The following ALK variants were observed in gnomAD, a reference collection of about 807,000 sequenced individuals.
ALK encodes ALK tyrosine kinase receptor.
In ALK, 74 loss-of-function variants were observed where a neutral mutation model predicts 163.1. The ratio of observed to expected loss-of-function variants is 0.45; its 90% CI spans 0.38 to 0.55. ALK has a LOEUF of 0.55. Ranked by LOEUF, ALK falls within the 20% of genes least tolerant of loss-of-function variation. The probability of loss-of-function intolerance (pLI) is 0.00; values close to 1 mark genes in which losing one functional copy is unlikely to be tolerated. For synonymous variants in ALK, 960 were observed against 843.2 expected (o/e 1.14, Z -2.40); for missense variants, 2,063 against 2,105.3 (o/e 0.98, Z 0.39).
chr2:29,284,317 G>A (rs780022942), intron 9 of ALK, among the ~76,000 whole-genome samples: 33 of 152,214 alleles, frequency 2.2e-4, no homozygotes, highest in East Asian at 7.7e-4. Flanking sequence ...GGTTCCTGGC[G>A]CGGGGGTGGG....
intron 1 of ALK, among the ~76,000 whole-genome samples, chr2:29,751,156 G>C (rs143932348): frequency 3.2e-3 from 481 of 152,252 alleles, no homozygotes; most frequent in African/African-American, 0.011. Context: ...CACCTGTATA[G>C]GGCATTTACC....
At chr2:29,698,904 A>T (rs1243751011) in intron 2 of ALK, among the ~76,000 whole-genome samples, 1 of 152,222 alleles carries the variant, frequency 6.6e-6, no homozygotes, top group Non-Finnish European at 1.5e-5. Context: ...GCTTTTCTAC[A>T]TTCTGATTTA....
chr2:29,524,927 T>A (rs6723241), intron 4 of ALK, among the ~76,000 whole-genome samples: 1 of 151,860 alleles, frequency 6.6e-6, no homozygotes, highest in African/African-American at 2.4e-5. Context: ...AGATGGGATG[T>A]ATGGATGGAT....
chr2:29,440,067 A>C (rs1290307143), intron 4 of ALK, among the ~76,000 whole-genome samples: 1 of 151,812 alleles, frequency 6.6e-6, no homozygotes, highest in African/African-American at 2.4e-5. Context: ...CCCCGTCTCT[A>C]CTAAAGAAAA....
chr2:29,318,569 CT>C lies in ALK; in HGVS notation c.1547-166del, dbSNP rs71403658. On this transcript the variant is annotated intron_variant, in intron 7 of 28. Coordinates refer to ENST00000389048, the MANE Select transcript of ALK (RefSeq NM_004304.5). ...AAGAAAGCCCACCTGTCAACAATTTCTTTTTTTTTTTTTTTGAGACAGAGTC... is the reference window on the plus strand; with the variant it reads ...AAGAAAGCCCACCTGTCAACAATTTCTTTTTTTTTTTTTTGAGACAGAGTC... Among the ~76,000 whole-genome samples the C allele has an allele frequency of 0.14, 19,868 of 142,056 alleles. 1,282 individuals carry two copies. The highest frequency in any genetic ancestry group is 0.16 in the Non-Finnish European group (10,145 of 64,544). 93.2% of individuals were successfully genotyped at this position (142,056 alleles called of 152,430 possible).
At chr2:29,240,267 G>A (rs1000692925) in intron 12 of ALK, among the ~76,000 whole-genome samples, 1 of 151,986 alleles carries the variant, frequency 6.6e-6, no homozygotes, top group Non-Finnish European at 1.5e-5. Flanking sequence ...CCTTGTCCCA[G>A]ATCAATGGAC....
intron 3 of ALK, among the ~76,000 whole-genome samples, chr2:29,537,929 C>A (rs951213864): frequency 9.2e-5 from 14 of 152,234 alleles, no homozygotes; most frequent in Admixed American, 6.5e-4. Flanking sequence ...TGCTGTGTTC[C>A]ACACTTGTGT....
At chr2:29,739,330 C>A (rs892049236) in intron 1 of ALK, among the ~76,000 whole-genome samples, 4 of 144,922 alleles carry the variant, frequency 2.8e-5, no homozygotes, top group Non-Finnish European at 6.0e-5. Flanking sequence ...GAGCCCAAGG[C>A]GGGTAGATCA....
At chr2:29,724,504 A>G (rs1326470221) in intron 1 of ALK, among the ~76,000 whole-genome samples, 1 of 152,180 alleles carries the variant, frequency 6.6e-6, no homozygotes, top group Non-Finnish European at 1.5e-5. Flanking sequence ...GCACCTGTTC[A>G]GCAAAAGAAA....
intron 1 of ALK, among the ~76,000 whole-genome samples, chr2:29,902,743 T>C (rs757379815): frequency 1.3e-5 from 2 of 152,194 alleles, no homozygotes; most frequent in African/African-American, 4.8e-5. Context: ...TCCTCTTTCA[T>C]CCTGACTATT....
At chr2:29,371,780 T>C (rs1668643562) in intron 5 of ALK, among the ~76,000 whole-genome samples, 1 of 152,142 alleles carries the variant, frequency 6.6e-6, no homozygotes, top group Admixed American at 6.5e-5. Context: ...GCCAATGGCT[T>C]GCACTGAGAA....
At chr2:29,234,391 T>C (rs1255202843) in intron 13 of ALK, among the ~76,000 whole-genome samples, 1 of 152,164 alleles carries the variant, frequency 6.6e-6, no homozygotes, top group Non-Finnish European at 1.5e-5. Flanking sequence ...GTCACAGTTC[T>C]GAAGCATCAG....
chr2:29,512,062 A>G (rs918341863), intron 4 of ALK, among the ~76,000 whole-genome samples: 3 of 152,224 alleles, frequency 2.0e-5, no homozygotes, highest in Admixed American at 2.0e-4. Flanking sequence ...AAATTTTGAT[A>G]AATTCCTATT....
chr2:29,614,837 T>G (rs1675796562), intron 3 of ALK, among the ~76,000 whole-genome samples: 1 of 152,124 alleles, frequency 6.6e-6, no homozygotes, highest in South Asian at 2.1e-4. Flanking sequence ...CTCCCCTGGT[T>G]TTTGGCTATC....
chr2:29,496,341 G>A (rs1394092149), intron 4 of ALK, among the ~76,000 whole-genome samples: 1 of 152,196 alleles, frequency 6.6e-6, no homozygotes, highest in Admixed American at 6.5e-5. Flanking sequence ...TCATCAGGCA[G>A]TGTGGGCTCG....
chr2:29,886,561 G>A (rs1219412706), intron 1 of ALK, among the ~76,000 whole-genome samples: 1 of 152,230 alleles, frequency 6.6e-6, no homozygotes, highest in East Asian at 1.9e-4. Flanking sequence ...TCCCACAAGG[G>A]AAGAGAAAGA....
chr2:29,775,314 G>T (rs1302000255), intron 1 of ALK, among the ~76,000 whole-genome samples: 1 of 152,176 alleles, frequency 6.6e-6, no homozygotes, highest in African/African-American at 2.4e-5. Context: ...TCAGAGAAAT[G>T]TTTCACTGAA....
At chr2:29,270,515 G>A (rs1665355285) in intron 11 of ALK, among the ~76,000 whole-genome samples, 1 of 152,146 alleles carries the variant, frequency 6.6e-6, no homozygotes, top group Admixed American at 6.5e-5. Flanking sequence ...AAACTTTTTT[G>A]CTAATCAAAC....
chr2:29,240,158 G>GAA (rs1418743428), intron 12 of ALK, among the ~76,000 whole-genome samples: 1 of 134,774 alleles, frequency 7.4e-6, no homozygotes, highest in Non-Finnish European at 1.5e-5. Context: ...ACAGCAGAGA[G>GAA]AGAGAGAGAG....
Sources: gnomAD v4.1 joint callset for allele counts (sites outside exome capture counted in the v4.1 genomes callset) on GRCh38, gnomAD v4.1.1 for gene constraint, MANE v1.5 for transcripts, NCBI Gene and HGNC (gene_info 2026-07-23, HGNC 2026-07-21) for gene names.